The following HMCN1 variants were observed in gnomAD, a reference collection of about 807,000 sequenced individuals.
HMCN1 encodes the protein hemicentin-1.
HMCN1 carries 321 observed loss-of-function variants against 625.9 expected under a neutral mutation model. The observed-to-expected ratio is 0.51, with a 90% CI of 0.47 to 0.56. HMCN1 has a LOEUF of 0.56. HMCN1 is among the 20% of genes least tolerant of loss of function. HMCN1 has a pLI of 0.00. For synonymous variants in HMCN1, 2,425 were observed against 2,417.6 expected, an observed-to-expected ratio of 1.00 and a Z score of -0.09; for missense variants, 6,588 against 6,887.3, an observed-to-expected ratio of 0.96 and a Z score of 1.54.
intron 2 of HMCN1, among the ~76,000 whole-genome samples, chr1:185,859,662 A>G (rs1246475363): frequency 6.6e-6 from 1 of 151,390 alleles, no homozygotes; most frequent in African/African-American, 2.4e-5. Flanking sequence ...CATTTTATTT[A>G]TTATTATTAT....
chr1:186,144,557 C>A lies in HMCN1; in HGVS notation c.14120C>A (p.Ala4707Asp), dbSNP rs747954604. The A allele has an allele frequency of 6.2e-7, 1 of 1,613,920 alleles. No individual in the cohort carries two copies. The highest frequency in any genetic ancestry group is 8.5e-7 in the Non-Finnish European group (1 of 1,180,014). Reference protein sequence around the residue: ...CPIHGKWATWASWSACSVSCG... With the variant: ...CPIHGKWATWDSWSACSVSCG... ...GTTCATGGCAAGTGGGCGACTTGGG[C>A]CAGTTGGAGTGCCTGTTCTGTGTCA... The change falls in exon 91 of 107, where the codon GCC becomes GAC. Residue 4707 changes from alanine to aspartate, a missense_variant. Around this residue, in one of 3 missense-constraint regions of HMCN1, gnomAD observed 1,954 missense variants for 2,013.1 expected, o/e 0.97. Coordinates refer to ENST00000271588, the MANE Select transcript of HMCN1 (RefSeq NM_031935.3).
Position 185,989,509 on chromosome 1 carries a change from A to C in HMCN1, c.3070A>C (p.Ser1024Arg), listed in dbSNP as rs1227662893. 1 of 1,614,076 alleles carries C rather than the reference A, an allele frequency of 6.2e-7. No individual in the cohort carries two copies. The highest frequency in any genetic ancestry group is 8.5e-7 in the Non-Finnish European group (1 of 1,179,980). Residue 1024 changes from serine (S) to arginine (R), a missense_variant, in exon 21 of 107, where the codon AGC becomes CGC. Transcript: ENST00000271588. ...GCAGAAAGGAGAGCTGATTTCAACCAGCAGTGCTAAGTTTTCAGCAGGAGC... is the reference window on the plus strand; with the variant it reads ...GCAGAAAGGAGAGCTGATTTCAACCCGCAGTGCTAAGTTTTCAGCAGGAGC... The part of the protein sequence containing the change: ...WSKKGELIST[S>R]SAKFSAGADG...
chr1:185,759,718 T>TA (rs966656856), intron 1 of HMCN1, among the ~76,000 whole-genome samples: 7 of 151,954 alleles, frequency 4.6e-5, no homozygotes, highest in African/African-American at 1.7e-4. Context: ...CTTTTTTTTT[T>TA]AATGAACTGA....
chr1:186,119,334 G>T lies in HMCN1; in HGVS notation c.11956+36G>T, dbSNP rs530657616. On this transcript the variant is annotated intron_variant, in intron 78 of 106. Coordinates refer to ENST00000271588, the MANE Select transcript of HMCN1 (RefSeq NM_031935.3). ...CTATTTACTCATTCAAAGTTCGCTG[G>T]GTTTGGGGAGGTTTTTTAGTCATAT... 8.9e-6 allele frequency: 13 copies of T among 1,462,358 alleles called. No homozygotes were observed. The East Asian group carries it at 2.9e-4, about 33-fold the overall frequency. 90.6% of individuals were successfully genotyped at this position (1,462,358 alleles called of 1,614,324 possible).
At chr1:186,183,113 A>C (rs1314926632) in intron 105 of HMCN1, among the ~76,000 whole-genome samples, 1 of 152,236 alleles carries the variant, frequency 6.6e-6, no homozygotes, top group Non-Finnish European at 1.5e-5. Flanking sequence ...GTGGGTCTTA[A>C]TAAGCTTTTG....
At position 186,086,243 on chromosome 1, in the gene HMCN1, T is replaced by G. The variant is rs1203676581; in HGVS notation, c.8885-3T>G. 1 of 1,607,754 alleles carries G rather than the reference T, an allele frequency of 6.2e-7. No homozygotes were observed. Among genetic ancestry groups the G allele is most frequent in the Non-Finnish European group, 8.5e-7 (1 of 1,174,772 alleles). Reference sequence around the variant, plus strand: ...TTCACTTTTAATATATTTACTATTATAGTTCCTCCAAGTGTCATTGGTCCT... The same window carrying G: ...TTCACTTTTAATATATTTACTATTAGAGTTCCTCCAAGTGTCATTGGTCCT... On this transcript the variant is annotated splice_polypyrimidine_tract_variant and splice_region_variant and intron_variant, in intron 57 of 106. Transcript: ENST00000271588.
intron 1 of HMCN1, among the ~76,000 whole-genome samples, chr1:185,743,920 C>T (rs1557935642): frequency 6.6e-6 from 1 of 150,640 alleles, no homozygotes; most frequent in Non-Finnish European, 1.5e-5. Flanking sequence ...TAGTACAACA[C>T]TTATACAGTA....
At chr1:186,174,108 T>A (rs928160939) in intron 102 of HMCN1, among the ~76,000 whole-genome samples, 1 of 152,204 alleles carries the variant, frequency 6.6e-6, no homozygotes, top group African/African-American at 2.4e-5. Flanking sequence ...GGGTTTGAAC[T>A]AGTGGTAAAA....
At position 186,001,328 on chromosome 1, in the gene HMCN1, T is replaced by C; in HGVS notation, c.4100T>C (p.Val1367Ala). The change falls in exon 27 of 107, where the codon GTT (valine) becomes GCT (alanine). Residue 1367 changes from valine (V) to alanine (A), a missense_variant. Val to Ala is a moderately conservative substitution (Grantham distance 64). Transcript: ENST00000271588. The stretch of plus-strand genomic sequence containing the variant: ...CCAGTAATTAAAGATAAAGAACAAG[T>C]TACAAATGTGTCGGTGTTGTTAAAT... Reference protein sequence around the residue: ...VPPVIKDKEQVTNVSVLLNQL... With the variant: ...VPPVIKDKEQATNVSVLLNQL... 6.2e-7 allele frequency: 1 copy of C among 1,611,978 alleles called. No homozygotes were observed. The highest frequency in any genetic ancestry group is 8.5e-7 in the Non-Finnish European group (1 of 1,178,482).
rs1420507207 is a variant in HMCN1 at position 186,145,745 on chromosome 1, G to T, written c.14438-8G>T. On this transcript the variant is annotated splice_region_variant and splice_polypyrimidine_tract_variant and intron_variant, in intron 92 of 106. Coordinates refer to ENST00000271588, the MANE Select transcript of HMCN1 (RefSeq NM_031935.3). ...TCTTAACAGTGACCATTCCATTCTT[G>T]TTCACAGTGGATGGAAGTTGGGGAA... 1.2e-6 allele frequency: 2 copies of T among 1,614,124 alleles called. No homozygotes were observed. The highest frequency in any genetic ancestry group is 2.2e-5 in the South Asian group (2 of 91,080).
At chr1:185,797,932 C>G (rs1658512119) in intron 1 of HMCN1, among the ~76,000 whole-genome samples, 1 of 107,292 alleles carries the variant, frequency 9.3e-6, no homozygotes, top group South Asian at 2.7e-4. Context: ...CGCCACTGCA[C>G]TCCAGCCTGG....
intron 4 of HMCN1, among the ~76,000 whole-genome samples, chr1:185,900,132 A>G (rs1384392758): frequency 1.3e-5 from 2 of 151,772 alleles, no homozygotes; most frequent in Non-Finnish European, 2.9e-5. Flanking sequence ...ACCTTTTGGT[A>G]TGCTGATGAG....
At chr1:185,840,651 G>T (rs1436131409) in intron 1 of HMCN1, among the ~76,000 whole-genome samples, 5 of 152,090 alleles carry the variant, frequency 3.3e-5, no homozygotes, top group Non-Finnish European at 7.4e-5. Flanking sequence ...CTCAGATGCT[G>T]GTTTAGCTTT....
intron 1 of HMCN1, among the ~76,000 whole-genome samples, chr1:185,745,851 A>G (rs776185204): frequency 7.9e-5 from 12 of 152,346 alleles, no homozygotes; most frequent in Non-Finnish European, 1.5e-4. Context: ...ATCGGAATAA[A>G]TGAGATCATC....
intron 4 of HMCN1, among the ~76,000 whole-genome samples, chr1:185,870,977 A>G (rs1362000140): frequency 1.3e-5 from 2 of 152,234 alleles, no homozygotes; most frequent in African/African-American, 4.8e-5. Flanking sequence ...CACGTCTGTA[A>G]TCCCAGCACT....
At chr1:186,091,862 T>C (rs1171182433) in intron 64 of HMCN1, among the ~76,000 whole-genome samples, 1 of 152,070 alleles carries the variant, frequency 6.6e-6, no homozygotes, top group African/African-American at 2.4e-5. Context: ...AAGAGATAAA[T>C]GTTATTTTCT....
At chr1:185,965,719 A>T (rs1650356293) in intron 13 of HMCN1, 83 bp from the exon 14 acceptor site, 1 of 833,706 alleles carries the variant, frequency 1.2e-6, no homozygotes, top group Non-Finnish European at 2.1e-6. Flanking sequence ...ATAAATTTTT[A>T]AATTGGTTCA....
At position 186,082,969 on chromosome 1, in the gene HMCN1, C is replaced by T. The variant is rs1045538585; in HGVS notation, c.8884+8C>T. The T allele has an allele frequency of 6.5e-7, 1 of 1,544,702 alleles. No individual in the cohort carries two copies. On this transcript the variant is annotated splice_region_variant and intron_variant, in intron 57 of 106. Transcript: ENST00000271588. ...TTAACCTCAATGTTCATGGTAAGAGCTCAGTTCCAAAACCATCTGTTAGGG... is the reference window on the plus strand; with the variant it reads ...TTAACCTCAATGTTCATGGTAAGAGTTCAGTTCCAAAACCATCTGTTAGGG...
In HMCN1 at chr1:185,778,602, T is replaced by C. The variant is rs1325196938; in HGVS notation, c.268+43555T>C. Among the ~76,000 whole-genome samples the C allele has an allele frequency of 6.6e-5, 10 of 151,124 alleles. 1 individual carries two copies. Among genetic ancestry groups the C allele is most frequent in the Admixed American group, 5.9e-4 (9 of 15,172 alleles). ...TGAGTGAGAATATGCGGTGTTTGGT[T>C]TTTCGTCCTTGAGATAGTTTGCTGA... On this transcript the variant is annotated intron_variant, in intron 1 of 106. Transcript: ENST00000271588.
Sources: gnomAD v4.1 joint callset for allele counts (sites outside exome capture counted in the v4.1 genomes callset) on GRCh38, gnomAD v4.1.1 for gene constraint, gnomAD v4.1.1 regional missense constraint, MANE v1.5 for transcripts, NCBI Gene and HGNC (gene_info 2026-07-23, HGNC 2026-07-21) for gene names.